The following PDE10A variants were observed in gnomAD, a reference collection of about 807,000 sequenced individuals.
PDE10A encodes phosphodiesterase 10A.
In PDE10A, 39 loss-of-function variants were observed where a neutral mutation model predicts 97.7. The observed-to-expected ratio is 0.40, with a 90% CI of 0.31 to 0.52. The LOEUF (loss-of-function observed/expected upper bound fraction) is 0.52. Ranked by LOEUF, PDE10A falls within the 20% of genes least tolerant of loss-of-function variation. PDE10A has a pLI of 0.56. For synonymous variants in PDE10A, 371 were observed against 376.8 expected, an observed-to-expected ratio of 0.98 and a Z score of 0.18; for missense variants, 731 against 1,047.8, an observed-to-expected ratio of 0.70 and a Z score of 4.17.
At chr6:165,495,076 A>T (rs1780460251) in intron 2 of PDE10A, among the ~76,000 whole-genome samples, 1 of 152,168 alleles carries the variant, frequency 6.6e-6, no homozygotes, top group Non-Finnish European at 1.5e-5. Context: ...TAGCATCTCT[A>T]ACAATTATGC....
At chr6:165,607,503 C>T (rs895565063) in intron 1 of PDE10A, among the ~76,000 whole-genome samples, 8 of 152,128 alleles carry the variant, frequency 5.3e-5, no homozygotes, top group Non-Finnish European at 1.2e-4. Context: ...CACACAGAGC[C>T]TAGGTGTGTG....
chr6:165,813,171 G>A lies in PDE10A; in HGVS notation c.-615+174358C>T, dbSNP rs564542570. On this transcript the variant is annotated intron_variant, in intron 1 of 19. Coordinates refer to the PDE10A transcript ENST00000366882. ...AAGGAAATGGCTAGCTTAGAGTCAT[G>A]CTAGACCTTGGTCTAGATGAGCCTT... 1.2e-4 allele frequency among the ~76,000 whole-genome samples: 18 copies of A among 152,280 alleles called. No homozygotes were observed. The South Asian group carries it at 2.7e-3, about 23-fold the overall frequency.
intron 1 of PDE10A, among the ~76,000 whole-genome samples, chr6:165,686,888 C>T (rs1562684529): frequency 6.6e-6 from 1 of 152,216 alleles, no homozygotes; most frequent in Non-Finnish European, 1.5e-5. Context: ...ACCTTCTCCA[C>T]TAAATGCTAT....
At chr6:165,761,353 G>A (rs370766357) in intron 1 of PDE10A, among the ~76,000 whole-genome samples, 17 of 152,206 alleles carry the variant, frequency 1.1e-4, no homozygotes, top group South Asian at 1.0e-3. Flanking sequence ...ATAAATTGGC[G>A]TGACATTGGG....
At chr6:165,438,630 A>G (rs548997219) in intron 5 of PDE10A, among the ~76,000 whole-genome samples, 4 of 152,322 alleles carry the variant, frequency 2.6e-5, no homozygotes, top group African/African-American at 9.6e-5. Context: ...CTTAGTTCTT[A>G]GTATTTCAAA....
Position 165,543,567 on chromosome 6 carries a change from A to G in PDE10A, c.867T>C (p.Ser289=), listed in dbSNP as rs1259082339. 1 of 1,605,778 alleles carries G rather than the reference A, an allele frequency of 6.2e-7. No homozygotes were observed. Among genetic ancestry groups the G allele is most frequent in the Non-Finnish European group, 8.5e-7 (1 of 1,175,790 alleles). The change falls in exon 2 of 22, where the codon AGT becomes AGC. Residue 289 remains serine, a splice_region_variant and synonymous_variant. Transcript: ENST00000539869. ...ATGCCTTCACTTTTTCATCTGTCAA[A>G]CCTGTAAAAGAATTGAAAAGAATAA... is the stretch of plus-strand genomic sequence containing the variant. ...RRLTECFLSP[S]LTDEKVKAYL...
intron 18 of PDE10A, among the ~76,000 whole-genome samples, chr6:165,378,941 T>C (rs1434722645): frequency 6.6e-6 from 1 of 152,220 alleles, no homozygotes; most frequent in Non-Finnish European, 1.5e-5. Context: ...CCTTTGAAAG[T>C]TGCCAATCCC....
intron 1 of PDE10A, among the ~76,000 whole-genome samples, chr6:165,825,266 A>G (rs1779702124): frequency 6.6e-6 from 1 of 152,096 alleles, no homozygotes; most frequent in Non-Finnish European, 1.5e-5. Context: ...TCCTCACACA[A>G]GCCCAGGGGT....
At position 165,917,496 on chromosome 6, in the gene PDE10A, C is replaced by T. The variant is rs6915020; in HGVS notation, c.-615+70033G>A. Among the ~76,000 whole-genome samples the T allele has an allele frequency of 7.7e-3, 1,170 of 152,288 alleles. 19 individuals carry two copies. Among genetic ancestry groups the T allele is most frequent in the African/African-American group, 0.026 (1,080 of 41,540 alleles). ...CTCCAGGCACCCCGAAAATGCCCCA[C>T]GCCTCAGGGGTGCCGAAATGGACAC... is the stretch of plus-strand genomic sequence containing the variant. On this transcript the variant is annotated intron_variant, in intron 1 of 19. Coordinates refer to the PDE10A transcript ENST00000366882.
At chr6:165,613,092 ATACTT>A (rs1419523673) in intron 1 of PDE10A, among the ~76,000 whole-genome samples, 2 of 152,224 alleles carry the variant, frequency 1.3e-5, no homozygotes, top group Admixed American at 1.3e-4. Flanking sequence ...TCACATAGGC[ATACTT>A]TAAACTAGAA....
intron 1 of PDE10A, among the ~76,000 whole-genome samples, chr6:165,761,830 T>C (rs1285294170): frequency 1.3e-5 from 2 of 152,188 alleles, no homozygotes; most frequent in African/African-American, 2.4e-5. Context: ...TACATCCTTA[T>C]GTACAGCTGG....
At chr6:165,518,166 A>G (rs1781925056) in intron 2 of PDE10A, among the ~76,000 whole-genome samples, 1 of 152,112 alleles carries the variant, frequency 6.6e-6, no homozygotes, top group Non-Finnish European at 1.5e-5. Context: ...GTTCAAATCC[A>G]TAAATTATGA....
At chr6:165,616,208 G>A (rs763690665) in intron 1 of PDE10A, among the ~76,000 whole-genome samples, 5 of 151,894 alleles carry the variant, frequency 3.3e-5, no homozygotes, top group South Asian at 2.1e-4. Flanking sequence ...AGTAGCTCCC[G>A]GTGTATCTCC....
chr6:165,668,805 AGGAG>A (rs1379197899), intron 1 of PDE10A, among the ~76,000 whole-genome samples: 24 of 26,500 alleles, frequency 9.1e-4, no homozygotes, highest in South Asian at 2.6e-3. Flanking sequence ...GGGGAAGGAA[AGGAG>A]GGAGGGAGGG....
At chr6:165,653,879 C>G (rs978599924) in intron 1 of PDE10A, among the ~76,000 whole-genome samples, 1 of 152,152 alleles carries the variant, frequency 6.6e-6, no homozygotes, top group Non-Finnish European at 1.5e-5. Flanking sequence ...TCCGTCCCTT[C>G]TCCTCTGCAC....
At chr6:165,791,906 C>G (rs777955901) in intron 1 of PDE10A, among the ~76,000 whole-genome samples, 1 of 152,250 alleles carries the variant, frequency 6.6e-6, no homozygotes, top group African/African-American at 2.4e-5. Flanking sequence ...TGACTGTCTA[C>G]TTGCCTTGGG....
intron 1 of PDE10A, among the ~76,000 whole-genome samples, chr6:165,712,635 T>C (rs965969627): frequency 5.0e-3 from 91 of 18,178 alleles, no homozygotes; most frequent in East Asian, 0.036. Context: ...TTCTTTCTTT[T>C]TTTTTTTTTT....
At chr6:165,762,155 A>T (rs903434) in intron 1 of PDE10A, among the ~76,000 whole-genome samples, 148,125 of 152,316 alleles carry the variant, frequency 0.97, 72,148 homozygotes, top group East Asian at 1. Flanking sequence ...CCTATCCAGC[A>T]ATCTGCTTCC....
intron 1 of PDE10A, among the ~76,000 whole-genome samples, chr6:165,545,008 A>C (rs1396366190): frequency 6.6e-6 from 1 of 152,100 alleles, no homozygotes; most frequent in Admixed American, 6.5e-5. Flanking sequence ...GGCACAGCAA[A>C]TTATAGTCCC....
Sources: allele counts gnomAD v4.1 joint callset (sites outside exome capture counted in the v4.1 genomes callset), GRCh38; gene constraint gnomAD v4.1.1; transcripts MANE v1.5; gene names NCBI Gene and HGNC (gene_info 2026-07-23, HGNC 2026-07-21).